Variants in MYH1 observed in about 807,000 individuals in gnomAD.
MYH1 encodes myosin heavy chain 1.
In MYH1, 214 loss-of-function variants were observed where a neutral mutation model predicts 225.6. The ratio of observed to expected loss-of-function variants is 0.95; its 90% CI spans 0.85 to 1.06. The LOEUF (loss-of-function observed/expected upper bound fraction) is 1.06. MYH1 is among the 50% of genes least tolerant of loss of function. MYH1 has a pLI of 0.00. For synonymous variants in MYH1, 774 were observed against 842.3 expected (o/e 0.92, Z 1.40); for missense variants, 2,098 against 2,344.2 (o/e 0.89, Z 2.17).
chr17:10,505,816 G>A lies in MYH1; in HGVS notation c.2170C>T (p.Gln724Ter), dbSNP rs1033462460. 4.3e-6 allele frequency: 7 copies of A among 1,613,954 alleles called. No homozygotes were observed. In the Admixed American group the frequency reaches 6.7e-5, roughly 15 times the overall value. The change falls in exon 19 of 40, where the codon CAG (glutamine) becomes TAG (stop). Residue 724 changes from glutamine to a stop codon, truncating the protein, a stop_gained. Transcript: ENST00000226207. LOFTEE classifies it high-confidence loss of function. ...PSRILYADFK[Q>*]RYKVLNASAI... The stretch of plus-strand genomic sequence containing the variant: ...TTTACAGCAAAAATGTCTGACCTCT[G>A]TTTGAAGTCTGCATAAAGGATTCTG...
In MYH1 at chr17:10,495,120, G is replaced by C. The variant is rs76124000; in HGVS notation, c.5296-19C>G. 8.7e-6 allele frequency: 14 copies of C among 1,614,044 alleles called. No individual in the cohort carries two copies. The highest frequency in any genetic ancestry group is 1.1e-5 in the Non-Finnish European group (13 of 1,180,036). On this transcript the variant is annotated intron_variant, in intron 36 of 39. Transcript: ENST00000226207. ...TGGCAGCCTAATTAGCAGTAAAACA[G>C]AATGGGTTAAGACAGCTAAGACAGC...
rs1057145356 is a variant in MYH1, at chr17:10,492,569, C to T, written c.5668-1G>A. 1 of 1,607,688 alleles carries T rather than the reference C, an allele frequency of 6.2e-7. No individual in the cohort carries two copies. Among genetic ancestry groups the T allele is most frequent in the East Asian group, 2.2e-5 (1 of 44,676 alleles). Reference sequence around the variant, plus strand: ...AGAGGTTGACGTTGGATTGTTCCTCCTGTGAATGGAAATCCATTTATGAGG... The same window carrying T: ...AGAGGTTGACGTTGGATTGTTCCTCTTGTGAATGGAAATCCATTTATGAGG... On this transcript the variant is annotated splice_acceptor_variant, in intron 39 of 39. Transcript: ENST00000226207. LOFTEE classifies it high-confidence loss of function.
intron 22 of MYH1, among the ~76,000 whole-genome samples, chr17:10,504,230 T>G (rs911683261): frequency 6.6e-5 from 10 of 152,208 alleles, no homozygotes; most frequent in African/African-American, 2.4e-4. Context: ...ACTGGGACAT[T>G]AGAATAAGAA....
rs149950731 is a variant in MYH1, at chr17:10,516,235, G to A, written c.312C>T (p.Tyr104=). ...AGGCTGCGTAGCGCTCTTTGAGGTT[G>A]TACAGCACAGCAGGCTCGTGTAGAT... ...MTHLHEPAVL[Y]NLKERYAAWM... The change falls in exon 4 of 40, where the codon TAC becomes TAT. Residue 104 remains tyrosine (Y), a synonymous_variant. Transcript: ENST00000226207. The A allele has an allele frequency of 1.1e-5, 18 of 1,614,084 alleles. No individual in the cohort carries two copies. The African/African-American group carries it at 2.0e-4, about 18-fold the overall frequency.
rs1262101770 is a variant in MYH1, at chr17:10,512,793, C to G, written c.905-9G>C. On this transcript the variant is annotated splice_polypyrimidine_tract_variant and intron_variant, in intron 10 of 39. Transcript: ENST00000226207. ...GGTGATCAGGAGCATTTCTGGGTCA[C>G]AGAATTCAGGGCATATGTTTTACAT... is the stretch of plus-strand genomic sequence containing the variant. The G allele has an allele frequency of 1.2e-6, 2 of 1,613,160 alleles. No individual in the cohort carries two copies. Among genetic ancestry groups the G allele is most frequent in the Non-Finnish European group, 1.7e-6 (2 of 1,179,274 alleles).
chr17:10,498,667 C>G lies in MYH1; in HGVS notation c.4140G>C (p.Glu1380Asp), dbSNP rs757081665. 6.2e-7 allele frequency: 1 copy of G among 1,614,024 alleles called. No homozygotes were observed. The highest frequency in any genetic ancestry group is 1.1e-5 in the South Asian group (1 of 91,082). The change falls in exon 30 of 40, where the codon GAG (glutamate) becomes GAC (aspartate). Residue 1380 changes from glutamate to aspartate, a missense_variant. Glu to Asp is a conservative substitution (Grantham distance 45). Coordinates refer to ENST00000226207, the MANE Select transcript of MYH1 (RefSeq NM_005963.4). The part of the protein sequence containing the change: ...SEVAQWRTKY[E>D]TDAIQRTEEL... ...CCTCTGTGCGCTGGATGGCATCTGT[C>G]TCATATTTGGTCCTCCACTGGGCAA...
Position 10,516,094 on chromosome 17 carries a change from A to G in MYH1, c.349-12T>C, listed in dbSNP as rs765965376. 9.9e-6 allele frequency: 16 copies of G among 1,613,824 alleles called. No homozygotes were observed. The highest frequency in any genetic ancestry group is 1.4e-5 in the Non-Finnish European group (16 of 1,179,824). On this transcript the variant is annotated splice_polypyrimidine_tract_variant and intron_variant, in intron 4 of 39. Transcript: ENST00000226207. The stretch of plus-strand genomic sequence containing the variant: ...AAGCCTGAGTAGGTCTGCACCCAAA[A>G]CAAAAGGGAGGAACAGAATTATTTG...
At chr17:10,493,968 A>G (rs2072960995) in intron 39 of MYH1, among the ~76,000 whole-genome samples, 1 of 152,198 alleles carries the variant, frequency 6.6e-6, no homozygotes, top group African/African-American at 2.4e-5. Context: ...CTCTTTTTAA[A>G]AAATATAGAT....
rs746740078 is a variant in MYH1, at chr17:10,512,389, A to G, written c.1147+19T>C. 1.5e-5 allele frequency: 25 copies of G among 1,613,986 alleles called. No individual in the cohort carries two copies. Among genetic ancestry groups the G allele is most frequent in the Admixed American group, 5.0e-5 (3 of 60,000 alleles). On this transcript the variant is annotated intron_variant, in intron 12 of 39. Coordinates refer to ENST00000226207, the MANE Select transcript of MYH1 (RefSeq NM_005963.4). ...GCCTATATTCTCTCATTAAACCCAG[A>G]TGGAGATTCATTTGGTACCTTCAGT...
chr17:10,504,610 C>T (rs369032622), intron 22 of MYH1, among the ~76,000 whole-genome samples, 200 bp downstream of exon 22: 11 of 152,258 alleles, frequency 7.2e-5, no homozygotes, highest in African/African-American at 2.6e-4. Context: ...TTTTATTTTT[C>T]CCTTCTTGAC....
intron 5 of MYH1, among the ~76,000 whole-genome samples, chr17:10,515,213 A>T (rs1212939869): frequency 6.6e-6 from 1 of 152,210 alleles, no homozygotes. Flanking sequence ...TCAAGCCATG[A>T]CTGAGATTTT....
rs1177807589 is a variant in MYH1 at position 10,516,468 on chromosome 17, TC to T, written c.174del (p.Lys59ArgfsTer2). On this transcript the variant is annotated frameshift_variant, in exon 3 of 40. Coordinates refer to ENST00000226207, the MANE Select transcript of MYH1 (RefSeq NM_005963.4). LOFTEE classifies it high-confidence loss of function. ...CCAGCTTCGGTCTTAGCTGTCACCT[TC>T]CCCCCTTCCCTGCTCTGCACTGTTG... ...VKATVQSREGGKVTAKTEAGA... is the reference protein window; with the variant it reads ...VKATVQSREGXKVTAKTEAGA... 1 of 1,613,964 alleles carries T rather than the reference TC, an allele frequency of 6.2e-7. No homozygotes were observed. Among genetic ancestry groups the T allele is most frequent in the East Asian group, 2.2e-5 (1 of 44,882 alleles).
At chr17:10,512,222 T>A (rs1321572330) in intron 12 of MYH1, 30 bp from the exon 13 acceptor site, 1 of 1,603,994 alleles carries the variant, frequency 6.2e-7, no homozygotes, top group Admixed American at 1.7e-5. Context: ...ATACCTAATA[T>A]GACTTACTCT....
chr17:10,516,684 TG>T lies in MYH1; in HGVS notation c.-40-3del, dbSNP rs1309980359. ...TGGTAGCCCAGTTAAGGACCCTGGC[TG>T]GGAGAGGAAGAAAAGAAATTGTAGA... is the stretch of plus-strand genomic sequence containing the variant. On this transcript the variant is annotated splice_region_variant and splice_polypyrimidine_tract_variant and intron_variant, in intron 2 of 39. Transcript: ENST00000226207. The T allele has an allele frequency of 6.2e-7, 1 of 1,606,338 alleles. No individual in the cohort carries two copies. Among genetic ancestry groups the T allele is most frequent in the Non-Finnish European group, 8.5e-7 (1 of 1,175,256 alleles).
chr17:10,516,196 C>CA lies in MYH1; in HGVS notation c.348+2dup. 6.2e-7 allele frequency: 1 copy of CA among 1,614,166 alleles called. No homozygotes were observed. Among genetic ancestry groups the CA allele is most frequent in the Non-Finnish European group, 8.5e-7 (1 of 1,180,026 alleles). On this transcript the variant is annotated splice_region_variant and intron_variant, in intron 4 of 39. Coordinates refer to ENST00000226207, the MANE Select transcript of MYH1 (RefSeq NM_005963.4). ...GAGTAGAAGACCGTGAGAAAGAACT[C>CA]ACGTAGATCATCCAGGCTGCGTAGC...
intron 5 of MYH1, among the ~76,000 whole-genome samples, chr17:10,515,426 A>G (rs1191958680): frequency 6.6e-6 from 1 of 152,218 alleles, no homozygotes; most frequent in African/African-American, 2.4e-5. Flanking sequence ...ATATGTGTGT[A>G]GCCCCAAAAC....
intron 35 of MYH1, 124 bp downstream of exon 35, chr17:10,495,821 AAAAAT>A: frequency 8.6e-7 from 1 of 1,166,952 alleles, no homozygotes; most frequent in Non-Finnish European, 1.2e-6. Flanking sequence ...AGATAATCAA[AAAAAT>A]AAAATATTTT....
chr17:10,508,268 C>G, intron 16 of MYH1, 95 bp downstream of exon 16: 3 of 1,394,300 alleles, frequency 2.2e-6, no homozygotes, highest in East Asian at 2.3e-5. Flanking sequence ...ATCTACCCAC[C>G]TTGGCCTCCC....
Position 10,508,376 on chromosome 17 carries a change from C to A in MYH1, c.1884G>T (p.Thr628=), listed in dbSNP as rs769654863. 6.2e-7 allele frequency: 1 copy of A among 1,603,032 alleles called. No individual in the cohort carries two copies. Among genetic ancestry groups the A allele is most frequent in the African/African-American group, 1.3e-5 (1 of 74,268 alleles). ...ATTGATAATTACCTGCTTCCGCTCC[C>A]GTTGCCCCAACAAAGAGGAGAGCCA... ...KTLALLFVGA[T]GAEAEAGGGK... is the part of the protein sequence containing the mutation. The change falls in exon 16 of 40, where the codon ACG becomes ACT. Residue 628 remains threonine (T), a synonymous_variant. Transcript: ENST00000226207.
Sources: allele counts gnomAD v4.1 joint callset (sites outside exome capture counted in the v4.1 genomes callset), GRCh38; gene constraint gnomAD v4.1.1; transcripts MANE v1.5; gene names NCBI Gene and HGNC (gene_info 2026-07-23, HGNC 2026-07-21).